PDSS2: variants seen among roughly 807,000 people sequenced by gnomAD.
The protein encoded by PDSS2 is decaprenyl diphosphate synthase subunit 2, also known as all trans-polyprenyl-diphosphate synthase PDSS2.
PDSS2 carries 31 observed loss-of-function variants against 44.5 expected under a neutral mutation model. The observed-to-expected ratio is 0.70, with a 90% confidence interval of 0.52 to 0.94. The LOEUF (loss-of-function observed/expected upper bound fraction) is 0.94. Ranked by LOEUF, PDSS2 falls within the 40% of genes least tolerant of loss-of-function variation. The probability of loss-of-function intolerance (pLI) is 0.00; values close to 1 mark genes in which losing one functional copy is unlikely to be tolerated. For missense variants in PDSS2, 452 were observed against 482.2 expected, an observed-to-expected ratio of 0.94 and a Z score of 0.59; for synonymous variants, 157 against 180.3, an observed-to-expected ratio of 0.87 and a Z score of 1.03.
At position 107,397,785 on chromosome 6, in the gene PDSS2, T is replaced by C. The variant is rs374173088; in HGVS notation, c.296+61205A>G. Among the ~76,000 whole-genome samples, 15 of 152,350 alleles carry C rather than the reference T, an allele frequency of 9.8e-5. No homozygotes were observed. The South Asian group carries it at 2.7e-3, about 27-fold the overall frequency. ...GCAGAAATTAGAATTGTGGAAAACT[T>C]GTATCAGCCACTATAAACTTGACAG... On this transcript the variant is annotated intron_variant, in intron 1 of 7. Coordinates refer to ENST00000369037, the MANE Select transcript of PDSS2 (RefSeq NM_020381.4).
intron 4 of PDSS2, among the ~76,000 whole-genome samples, chr6:107,225,135 T>TTATATATATATATATATATATATA (rs1554256022): frequency 1.1e-4 from 4 of 36,482 alleles, no homozygotes; most frequent in African/African-American, 6.9e-4. Context: ...ATATATATAT[T>TTATATATATATATATATATATATA]TTTATATATA....
At chr6:107,316,614 C>T (rs1777208821) in intron 2 of PDSS2, among the ~76,000 whole-genome samples, 1 of 152,018 alleles carries the variant, frequency 6.6e-6, no homozygotes, top group African/African-American at 2.4e-5. Flanking sequence ...TTTAGTATAA[C>T]AGATTTCTTT....
At chr6:107,376,568 T>C (rs984203876) in intron 1 of PDSS2, among the ~76,000 whole-genome samples, 3 of 152,188 alleles carry the variant, frequency 2.0e-5, no homozygotes, top group African/African-American at 4.8e-5. Flanking sequence ...CTGTCTGTTA[T>C]TGGTGTATAA....
At chr6:107,207,975 C>CTTTTTTTTT in intron 6 of PDSS2, among the ~76,000 whole-genome samples, 1 of 68,210 alleles carries the variant, frequency 1.5e-5, no homozygotes, top group East Asian at 5.3e-4. Context: ...CTGTCTATGA[C>CTTTTTTTTT]TTGTTTTTTT....
At chr6:107,193,670 C>T (rs1479020460) in intron 7 of PDSS2, 152 bp downstream of exon 7, 1 of 661,622 alleles carries the variant, frequency 1.5e-6, no homozygotes. Flanking sequence ...GTTGAATGAA[C>T]CTTATTCCAC....
chr6:107,162,708 A>G (rs1207094597), intron 7 of PDSS2, among the ~76,000 whole-genome samples: 5 of 145,990 alleles, frequency 3.4e-5, no homozygotes, highest in Non-Finnish European at 6.0e-5. Flanking sequence ...GGGTTCAAGC[A>G]ATTCTCCTGC....
At chr6:107,253,123 C>T (rs1024451583) in intron 3 of PDSS2, among the ~76,000 whole-genome samples, 4 of 152,232 alleles carry the variant, frequency 2.6e-5, no homozygotes, top group Admixed American at 2.0e-4. Context: ...GCAACCTCCA[C>T]CTCCCGGGTT....
chr6:107,272,717 C>T (rs1775643670), intron 3 of PDSS2, among the ~76,000 whole-genome samples: 1 of 151,840 alleles, frequency 6.6e-6, no homozygotes. Flanking sequence ...GGCGTGGTGG[C>T]TCATGCCTTA....
chr6:107,180,112 G>A (rs1771920043), intron 7 of PDSS2, among the ~76,000 whole-genome samples: 1 of 152,174 alleles, frequency 6.6e-6, no homozygotes, highest in Non-Finnish European at 1.5e-5. Context: ...GAAAGAGATA[G>A]TGTTCCCTTC....
intron 7 of PDSS2, among the ~76,000 whole-genome samples, chr6:107,182,544 C>T (rs62428027): frequency 4.7e-4 from 72 of 152,234 alleles, no homozygotes; most frequent in Non-Finnish European, 8.4e-4. Context: ...AGGCTGGTCT[C>T]GAACTCCTGA....
At chr6:107,392,127 G>A (rs961966452) in intron 1 of PDSS2, among the ~76,000 whole-genome samples, 1 of 151,972 alleles carries the variant, frequency 6.6e-6, no homozygotes, top group Non-Finnish European at 1.5e-5. Context: ...TGAGAATTCA[G>A]GCCAATAAGG....
chr6:107,194,954 A>G (rs6906665), intron 6 of PDSS2, among the ~76,000 whole-genome samples: 47,839 of 148,300 alleles, frequency 0.32, 7,726 homozygotes, highest in East Asian at 0.51. Flanking sequence ...ACTCCATCTC[A>G]AAAAAAAAAA....
chr6:107,428,220 C>T (rs9386641), intron 1 of PDSS2, among the ~76,000 whole-genome samples: 18,316 of 152,230 alleles, frequency 0.12, 1,421 homozygotes, highest in East Asian at 0.24. Context: ...AAGGATGCAA[C>T]AGCATCTTGT....
chr6:107,170,613 C>A (rs3885234), intron 7 of PDSS2, among the ~76,000 whole-genome samples: 21 of 58,284 alleles, frequency 3.6e-4, no homozygotes, highest in Middle Eastern at 8.9e-3. Flanking sequence ...ACCACCCCCC[C>A]CCCCCCACTT....
intron 7 of PDSS2, among the ~76,000 whole-genome samples, chr6:107,179,939 C>T (rs1396411085): frequency 1.3e-5 from 2 of 152,162 alleles, no homozygotes; most frequent in African/African-American, 4.8e-5. Flanking sequence ...AACACAAAAT[C>T]CGACAGCAGG....
intron 1 of PDSS2, among the ~76,000 whole-genome samples, chr6:107,378,543 T>C (rs1007742338): frequency 6.6e-6 from 1 of 152,134 alleles, no homozygotes; most frequent in South Asian, 2.1e-4. Context: ...CCCAGCACTT[T>C]GGGAGGCCAA....
intron 1 of PDSS2, among the ~76,000 whole-genome samples, chr6:107,342,950 T>C (rs551665949): frequency 1.4e-4 from 21 of 152,206 alleles, no homozygotes; most frequent in African/African-American, 4.8e-4. Flanking sequence ...AACCTAGAGA[T>C]ATAGAGTGAG....
chr6:107,434,443 T>C (rs1430981903), intron 1 of PDSS2, among the ~76,000 whole-genome samples: 1 of 152,204 alleles, frequency 6.6e-6, no homozygotes, highest in African/African-American at 2.4e-5. Context: ...AATGAGATCC[T>C]GTCATTTGCA....
At chr6:107,277,016 T>C (rs1039092185) in intron 2 of PDSS2, among the ~76,000 whole-genome samples, 1 of 152,244 alleles carries the variant, frequency 6.6e-6, no homozygotes, top group African/African-American at 2.4e-5. Context: ...AAGTTGGTTA[T>C]TGTTTTAAGC....
Sources: allele counts gnomAD v4.1 joint callset (sites outside exome capture counted in the v4.1 genomes callset), GRCh38; gene constraint gnomAD v4.1.1; transcripts MANE v1.5; gene names NCBI Gene and HGNC (gene_info 2026-07-23, HGNC 2026-07-21).